RBM24: variants seen among roughly 807,000 people sequenced by gnomAD.
RBM24 encodes RNA-binding protein 24.
RBM24 carries 5 observed loss-of-function variants against 23.6 expected under a neutral mutation model. The ratio of observed to expected loss-of-function variants is 0.21; its 90% CI spans 0.11 to 0.45. The LOEUF is 0.45. Ranked by LOEUF, RBM24 falls within the 20% of genes least tolerant of loss-of-function variation. RBM24 has a pLI of 0.99. For missense variants in RBM24, 252 were observed against 314.6 expected (o/e 0.80, Z 1.51); for synonymous variants, 151 against 129.5 (o/e 1.17, Z -1.13).
chr6:17,284,527 A>T (rs924979480), intron 2 of RBM24, 130 bp from the exon 3 acceptor site: 24 of 637,528 alleles, frequency 3.8e-5, no homozygotes, highest in Non-Finnish European at 5.5e-5. Context: ...ATATACATAC[A>T]TATAGTTTCT....
In RBM24 at chr6:17,292,217, T is replaced by TAAA. The variant is rs552369365; in HGVS notation, c.*107_*109dup. ...AGAGTTAACATTGACTTAACAGCTTTAAAAAAAAAAACAGCCATGCTATTG... is the reference window on the plus strand; with the variant it reads ...AGAGTTAACATTGACTTAACAGCTTTAAAAAAAAAAAAAACAGCCATGCTATTG... On this transcript the variant is annotated 3_prime_UTR_variant, in exon 4 of 4. Coordinates refer to ENST00000379052, the MANE Select transcript of RBM24 (RefSeq NM_001143942.2). 21,658 of 874,684 alleles carry TAAA rather than the reference T, an allele frequency of 0.025. 202 individuals carry two copies. Among genetic ancestry groups the TAAA allele is most frequent in the East Asian group, 0.13 (4,072 of 30,904 alleles). 54.2% of individuals were successfully genotyped at this position (874,684 alleles called of 1,614,324 possible). A position where few individuals can be genotyped will look rare whatever the true frequency, so the allele number is the denominator to read the frequency against.
In RBM24 at chr6:17,281,725, G is replaced by C. The variant is rs769149453; in HGVS notation, c.144G>C (p.Thr48=). Residue 48 remains threonine (T), a synonymous_variant, in exon 1 of 4, where the codon ACG becomes ACC. Coordinates refer to ENST00000379052, the MANE Select transcript of RBM24 (RefSeq NM_001143942.2). This position sits in a 1 kb window ranked among gnomAD's most constrained non-coding sequence, Gnocchi z 7.1. The part of the protein sequence containing the change: ...EEAVVITDRQ[T]GKSRGYGFVT... The stretch of plus-strand genomic sequence containing the variant: ...CGGTGGTCATCACCGACCGGCAGAC[G>C]GGCAAGTCCCGGGGCTATGGATTTG... 2.8e-5 allele frequency: 43 copies of C among 1,551,378 alleles called. No homozygotes were observed. Among genetic ancestry groups the C allele is most frequent in the Non-Finnish European group, 3.7e-5 (42 of 1,147,114 alleles).
chr6:17,289,031 C>T (rs1466650967), intron 3 of RBM24: 3 of 985,084 alleles, frequency 3.0e-6, no homozygotes, highest in Non-Finnish European at 3.6e-6. Context: ...GTCAGTGGAA[C>T]CTGAAGAGAT....
At chr6:17,291,663 A>G (rs1300011771) in intron 3 of RBM24, 93 bp from the exon 4 acceptor site, 20 of 1,384,242 alleles carry the variant, frequency 1.4e-5, no homozygotes, top group Non-Finnish European at 1.9e-5. Flanking sequence ...TATGCTCATA[A>G]TAACCACTAA....
In RBM24 at chr6:17,281,760, C is replaced by T. The variant is rs760300646; in HGVS notation, c.168+11C>T. The T allele has an allele frequency of 1.8e-5, 28 of 1,547,894 alleles. No individual in the cohort carries two copies. The highest frequency in any genetic ancestry group is 9.6e-5 in the African/African-American group (7 of 72,812). The stretch of plus-strand genomic sequence containing the variant: ...CGGGGCTATGGATTTGTAAGTTGCA[C>T]GGACTGGGGGTGACGGGGAGGGACG... On this transcript the variant is annotated intron_variant, in intron 1 of 3. Transcript: ENST00000379052. The surrounding 1 kb of genome is among the most constrained non-coding windows in gnomAD (Gnocchi z 7.1).
At chr6:17,282,122 G>T in intron 1 of RBM24, 1 of 1,219,660 alleles carries the variant, frequency 8.2e-7, no homozygotes, top group South Asian at 1.5e-5. Context: ...TTGTAAAAAT[G>T]CGTGTGTTCT....
intron 1 of RBM24, chr6:17,282,521 A>G (rs1760055318): frequency 2.0e-6 from 1 of 504,070 alleles, no homozygotes; most frequent in Non-Finnish European, 3.6e-6. Flanking sequence ...AATCTCGGCT[A>G]GGCCCTACTA....
rs1449455008 is a variant in RBM24 at position 17,290,066 on chromosome 6, C to G, written c.348-1690C>G. ...CTGGCACTGGGAAACATCTACAAGTCTGGTAAAATTGAGTGTATTTTTATC... is the reference window on the plus strand; with the variant it reads ...CTGGCACTGGGAAACATCTACAAGTGTGGTAAAATTGAGTGTATTTTTATC... On this transcript the variant is annotated intron_variant, in intron 3 of 3. Coordinates refer to ENST00000379052, the MANE Select transcript of RBM24 (RefSeq NM_001143942.2). The G allele has an allele frequency of 1.0e-5, 13 of 1,289,350 alleles. No individual in the cohort carries two copies. The South Asian group carries it at 1.6e-4, about 16-fold the overall frequency. 79.9% of individuals were successfully genotyped at this position (1,289,350 alleles called of 1,614,324 possible). A position where few individuals can be genotyped will look rare whatever the true frequency, so the allele number is the denominator to read the frequency against.
At chr6:17,291,610 G>A in intron 3 of RBM24, 146 bp from the exon 4 acceptor site, 1 of 855,484 alleles carries the variant, frequency 1.2e-6, no homozygotes, top group Non-Finnish European at 1.8e-6. Flanking sequence ...TACTGCCTGA[G>A]TATTCTCAAT....
intron 3 of RBM24, among the ~76,000 whole-genome samples, chr6:17,286,346 A>G (rs968181817): frequency 2.0e-5 from 3 of 152,166 alleles, no homozygotes; most frequent in African/African-American, 7.2e-5. Flanking sequence ...TCTGTGGGTA[A>G]TTCATTTAGA....
At chr6:17,284,435 A>AT (rs938657037) in intron 2 of RBM24, among the ~76,000 whole-genome samples, 8 of 152,166 alleles carry the variant, frequency 5.3e-5, no homozygotes, top group East Asian at 3.8e-4. Flanking sequence ...AAATTTGCAG[A>AT]TTTTTTTAAA....
chr6:17,282,965 GA>G, intron 2 of RBM24, 37 bp downstream of exon 2: 1 of 1,473,684 alleles, frequency 6.8e-7, no homozygotes, highest in Non-Finnish European at 9.5e-7. Flanking sequence ...CCCTCTCCAA[GA>G]ACCCCCCATT....
At chr6:17,285,610 G>C (rs959131479) in intron 3 of RBM24, among the ~76,000 whole-genome samples, 1 of 152,124 alleles carries the variant, frequency 6.6e-6, no homozygotes, top group Non-Finnish European at 1.5e-5. Context: ...TCCACTTTTA[G>C]GCCATCTAAT....
At position 17,287,671 on chromosome 6, in the gene RBM24, G is replaced by A. The variant is rs1042298571; in HGVS notation, c.347+2960G>A. Among the ~76,000 whole-genome samples the A allele has an allele frequency of 2.0e-5, 3 of 152,070 alleles. No individual in the cohort carries two copies. In the South Asian group the frequency reaches 6.2e-4, roughly 32 times the overall value. ...TAAAAATACAAAAAATTAGCTGGGC[G>A]TGGTGGTGGGCGCCTGTAGTCCAGC... On this transcript the variant is annotated intron_variant, in intron 3 of 3. Coordinates refer to ENST00000379052, the MANE Select transcript of RBM24 (RefSeq NM_001143942.2).
chr6:17,289,177 G>C (rs1241068864), intron 3 of RBM24: 2 of 985,332 alleles, frequency 2.0e-6, no homozygotes, highest in Non-Finnish European at 2.4e-6. Flanking sequence ...TCTAATAGGA[G>C]GGAGATTCCC....
rs2113414861 is a variant in RBM24 at position 17,292,214 on chromosome 6, CT to C, written c.*98del. 4.3e-6 allele frequency: 5 copies of C among 1,161,808 alleles called. No homozygotes were observed. The highest frequency in any genetic ancestry group is 5.8e-6 in the Non-Finnish European group (5 of 863,354). The allele number at this position is 1,161,808 out of a possible 1,614,324, so 72.0% of individuals were successfully genotyped here. On this transcript the variant is annotated 3_prime_UTR_variant, in exon 4 of 4. Transcript: ENST00000379052. ...AAGAGAGTTAACATTGACTTAACAGCTTTAAAAAAAAAAACAGCCATGCTAT... is the reference window on the plus strand; with the variant it reads ...AAGAGAGTTAACATTGACTTAACAGCTTAAAAAAAAAAACAGCCATGCTAT...
intron 3 of RBM24, chr6:17,290,187 C>A (rs1483291417): frequency 4.4e-6 from 4 of 908,656 alleles, no homozygotes; most frequent in Non-Finnish European, 4.6e-6. Flanking sequence ...AAAGGCAAAG[C>A]AAAATCTATG....
rs989220631 is a variant in RBM24, at chr6:17,284,650, T to G, written c.293-7T>G. ...CAAATAAAGAATGTGGTATATTTTG[T>G]TGTTAGGTTTTGCCTTTGGTGTTCA... On this transcript the variant is annotated splice_polypyrimidine_tract_variant and splice_region_variant and intron_variant, in intron 2 of 3. Transcript: ENST00000379052. 10 of 1,609,898 alleles carry G rather than the reference T, an allele frequency of 6.2e-6. No individual in the cohort carries two copies. Among genetic ancestry groups the G allele is most frequent in the Admixed American group, 1.7e-5 (1 of 59,664 alleles).
intron 3 of RBM24, among the ~76,000 whole-genome samples, chr6:17,287,937 T>C (rs1454575489): frequency 6.6e-6 from 1 of 152,224 alleles, no homozygotes; most frequent in African/African-American, 2.4e-5. Flanking sequence ...TGCTTAGTTT[T>C]TATAGTGTCC....
Sources: gnomAD v4.1 joint callset for allele counts (sites outside exome capture counted in the v4.1 genomes callset) on GRCh38, gnomAD v4.1.1 for gene constraint, Gnocchi (gnomAD v3.1) non-coding constraint, MANE v1.5 for transcripts, NCBI Gene and HGNC (gene_info 2026-07-23, HGNC 2026-07-21) for gene names.